The following BAIAP2 variants were observed in gnomAD, a reference collection of about 807,000 sequenced individuals.
The protein encoded by BAIAP2 is BAR/IMD domain containing adaptor protein 2, also known as BAR/IMD domain-containing adapter protein 2.
A neutral mutation model predicts 63.0 loss-of-function variants in BAIAP2; 18 were observed. That is an observed-to-expected ratio of 0.29 (90% confidence interval 0.20 to 0.42). BAIAP2 has a LOEUF of 0.42. Among genes scored for constraint, BAIAP2 ranks in the 10% least tolerant of loss-of-function variants. The pLI is 1.00. For synonymous variants in BAIAP2, 386 were observed against 307.6 expected, an observed-to-expected ratio of 1.25 and a Z score of -2.67; for missense variants, 610 against 734.3, an observed-to-expected ratio of 0.83 and a Z score of 1.96.
chr17:81,043,875 C>T (rs777789018), intron 1 of BAIAP2, among the ~76,000 whole-genome samples: 19 of 152,268 alleles, frequency 1.2e-4, no homozygotes, highest in Admixed American at 2.0e-4. Context: ...TTCAGGAAGG[C>T]GTTCTCGCCG....
intron 6 of BAIAP2, among the ~76,000 whole-genome samples, chr17:81,092,418 G>A (rs1308850949): frequency 6.6e-6 from 1 of 152,232 alleles, no homozygotes; most frequent in African/African-American, 2.4e-5. Flanking sequence ...CAGAGGTGGG[G>A]CTGCAGGGAG....
chr17:81,116,270 G>C lies in BAIAP2; in HGVS notation c.*431G>C. ...CCAAGGGCCAGAAGGCCGGGAGCAC[G>C]GGGATGGGAGCGCCCGCACCCTGGC... On this transcript the variant is annotated 3_prime_UTR_variant, in exon 14 of 14. Transcript: ENST00000428708. 6.2e-7 allele frequency: 1 copy of C among 1,612,898 alleles called. No individual in the cohort carries two copies. The highest frequency in any genetic ancestry group is 8.5e-7 in the Non-Finnish European group (1 of 1,179,962).
intron 13 of BAIAP2, chr17:81,109,789 C>T: frequency 1.0e-6 from 1 of 985,446 alleles, no homozygotes; most frequent in Non-Finnish European, 1.2e-6. Context: ...CACGGACATT[C>T]CAAAGACCTC....
At chr17:81,111,251 C>G (rs1365044645) in intron 13 of BAIAP2, among the ~76,000 whole-genome samples, 1 of 152,276 alleles carries the variant, frequency 6.6e-6, no homozygotes, top group South Asian at 2.1e-4. Context: ...TGGTCCTCTC[C>G]TGCCCTGCTG....
At position 81,115,584 on chromosome 17, in the gene BAIAP2, C is replaced by A. The variant is rs1470141621; in HGVS notation, c.1536-186C>A. On this transcript the variant is annotated intron_variant, in intron 13 of 13. Transcript: ENST00000428708. ...CATAGTGGACTTGGGGGTCAGGCAG[C>A]CTTGCAGACAGCGCCTGGTCCTCCC... Among the ~76,000 whole-genome samples the A allele has an allele frequency of 2.0e-5, 3 of 152,190 alleles. No homozygotes were observed. The East Asian group carries it at 5.8e-4, about 29-fold the overall frequency.
rs2060535117 is a variant in BAIAP2, at chr17:81,116,359, G to A, written c.*520G>A. On this transcript the variant is annotated 3_prime_UTR_variant, in exon 14 of 14. Coordinates refer to ENST00000428708, the MANE Select transcript of BAIAP2 (RefSeq NM_001144888.2). ...GGTCCGGCAGCTACACCTGGAGTGT[G>A]GGGCCTGGTCCCTCCCCATGCCCCT... is the stretch of plus-strand genomic sequence containing the variant. The A allele has an allele frequency of 1.2e-6, 2 of 1,604,438 alleles. No homozygotes were observed. The highest frequency in any genetic ancestry group is 1.1e-5 in the South Asian group (1 of 90,352).
chr17:81,104,753 G>C (rs1484524388), intron 10 of BAIAP2, 38 bp downstream of exon 10: 1 of 1,527,404 alleles, frequency 6.5e-7, no homozygotes, highest in Non-Finnish European at 8.9e-7. Context: ...GGCAGCCGCT[G>C]CCTTCAGCAA....
chr17:81,107,207 T>C (rs948088717), intron 12 of BAIAP2: 1 of 355,744 alleles, frequency 2.8e-6, no homozygotes. Flanking sequence ...GGGGGCAGCG[T>C]CTGGGCTGGG....
At chr17:81,065,773 G>C (rs542757089) in intron 3 of BAIAP2, among the ~76,000 whole-genome samples, 2 of 152,236 alleles carry the variant, frequency 1.3e-5, no homozygotes, top group African/African-American at 4.8e-5. Context: ...CTGGTACAAC[G>C]TGTACACCTG....
At chr17:81,094,434 C>T (rs1417409651) in intron 6 of BAIAP2, among the ~76,000 whole-genome samples, 1 of 152,158 alleles carries the variant, frequency 6.6e-6, no homozygotes, top group Non-Finnish European at 1.5e-5. Context: ...ACCGTCAGGG[C>T]TCATGGATCC....
In BAIAP2 at chr17:81,099,561, C is replaced by T. The variant is rs575559885; in HGVS notation, c.490-367C>T. 3.3e-5 allele frequency among the ~76,000 whole-genome samples: 5 copies of T among 152,306 alleles called. No homozygotes were observed. The South Asian group carries it at 1.0e-3, about 32-fold the overall frequency. On this transcript the variant is annotated intron_variant, in intron 6 of 13. Coordinates refer to ENST00000428708, the MANE Select transcript of BAIAP2 (RefSeq NM_001144888.2). ...CATGGAGCTGGGGCGCATCCACACCCAGGCTTCTGTGCCTTGGCCACAGGG... is the reference window on the plus strand; with the variant it reads ...CATGGAGCTGGGGCGCATCCACACCTAGGCTTCTGTGCCTTGGCCACAGGG...
At chr17:81,040,409 G>A (rs1568056798) in intron 1 of BAIAP2, among the ~76,000 whole-genome samples, 1 of 152,236 alleles carries the variant, frequency 6.6e-6, no homozygotes, top group Non-Finnish European at 1.5e-5. Flanking sequence ...CCTCCCCCGA[G>A]CGCTGATTCA....
At chr17:81,097,995 A>C in intron 6 of BAIAP2, 1 of 769,488 alleles carries the variant, frequency 1.3e-6, no homozygotes, top group Middle Eastern at 4.3e-4. Flanking sequence ...TGGAATCGGG[A>C]ACCCCGGGTG....
chr17:81,099,850 T>C, intron 6 of BAIAP2, 78 bp from the exon 7 acceptor site: 2 of 1,515,724 alleles, frequency 1.3e-6, no homozygotes, highest in Non-Finnish European at 9.0e-7. Flanking sequence ...TTTGACTGAG[T>C]CCGTGGGGCT....
At chr17:81,072,106 G>C (rs940613800) in intron 3 of BAIAP2, among the ~76,000 whole-genome samples, 10 of 152,214 alleles carry the variant, frequency 6.6e-5, no homozygotes, top group African/African-American at 1.9e-4. Context: ...GCGGGCTGTG[G>C]GTGCCGTGCC....
chr17:81,073,826 C>CT (rs1277056045), intron 3 of BAIAP2, among the ~76,000 whole-genome samples: 2 of 152,200 alleles, frequency 1.3e-5, no homozygotes, highest in Admixed American at 6.5e-5. Context: ...GGTTAAAGGA[C>CT]TAAAGATGCC....
intron 6 of BAIAP2, among the ~76,000 whole-genome samples, chr17:81,095,161 C>G (rs376997311): frequency 1.8e-4 from 27 of 152,320 alleles, no homozygotes; most frequent in African/African-American, 6.5e-4. Context: ...CAGCTAAGCA[C>G]GCAGCCGGTG....
At chr17:81,111,232 C>T (rs2059893067) in intron 13 of BAIAP2, among the ~76,000 whole-genome samples, 1 of 152,234 alleles carries the variant, frequency 6.6e-6, no homozygotes, top group Non-Finnish European at 1.5e-5. Flanking sequence ...CTGGCCCTGA[C>T]CTTCTGTGTG....
chr17:81,075,572 TCCTTGTGGCCCTAA>T (rs1328172163), intron 3 of BAIAP2, among the ~76,000 whole-genome samples: 1 of 152,224 alleles, frequency 6.6e-6, no homozygotes, highest in Non-Finnish European at 1.5e-5. Flanking sequence ...AGTGCCTGCC[TCCTTGTGGCCCTAA>T]CCTTGTGGGG....
Sources: allele counts gnomAD v4.1 joint callset (sites outside exome capture counted in the v4.1 genomes callset), GRCh38; gene constraint gnomAD v4.1.1; transcripts MANE v1.5; gene names NCBI Gene and HGNC (gene_info 2026-07-23, HGNC 2026-07-21).